VPS35L: variants seen among roughly 807,000 people sequenced by gnomAD.
VPS35L encodes VPS35 endosomal protein-sorting factor-like.
A neutral mutation model predicts 133.0 loss-of-function variants in VPS35L; 83 were observed. That is an observed-to-expected ratio of 0.62 (90% CI 0.52 to 0.75). The LOEUF (loss-of-function observed/expected upper bound fraction) is 0.75, where lower values mean the gene tolerates loss of function less well. Among genes scored for constraint, VPS35L ranks in the 30% least tolerant of loss-of-function variants. The pLI is 0.00. For missense variants in VPS35L, 1,083 were observed against 1,206.8 expected, an observed-to-expected ratio of 0.90 and a Z score of 1.52; for synonymous variants, 423 against 449.9, an observed-to-expected ratio of 0.94 and a Z score of 0.76.
Position 19,699,015 on chromosome 16 carries a change from C to A in VPS35L, c.2647-487C>A, listed in dbSNP as rs892228174. 1.3e-5 allele frequency among the ~76,000 whole-genome samples: 2 copies of A among 152,170 alleles called. No individual in the cohort carries two copies. Among genetic ancestry groups the A allele is most frequent in the African/African-American group, 4.8e-5 (2 of 41,428 alleles). ...TCAGCGTGTAAAGGCTGGATATGGG[C>A]ACCAAGGATTGGGGAGCTCAGTTCG... On this transcript the variant is annotated intron_variant, in intron 29 of 30. Transcript: ENST00000417362. The surrounding 1 kb of genome is among the most constrained non-coding windows in gnomAD (Gnocchi z 4.2).
intron 9 of VPS35L, among the ~76,000 whole-genome samples, chr16:19,606,243 T>C (rs1042656929): frequency 1.3e-5 from 2 of 152,218 alleles, no homozygotes; most frequent in Admixed American, 6.5e-5. Flanking sequence ...ATTTTGTAGA[T>C]GACCTCAGAG....
In VPS35L at chr16:19,610,419, G is replaced by A. The variant is rs1337907506; in HGVS notation, c.1023+4G>A. Reference sequence around the variant, plus strand: ...TGCCCGTGCCTACCTGTGCCGGGTAGGCCATGCGAGTCACTGCCCTTGACG... The same window carrying A: ...TGCCCGTGCCTACCTGTGCCGGGTAAGCCATGCGAGTCACTGCCCTTGACG... On this transcript the variant is annotated splice_donor_region_variant and intron_variant, in intron 12 of 30. Transcript: ENST00000417362. 1.2e-6 allele frequency: 2 copies of A among 1,612,526 alleles called. No homozygotes were observed. The highest frequency in any genetic ancestry group is 1.7e-6 in the Non-Finnish European group (2 of 1,179,028).
rs1334781509 is a variant in VPS35L at position 19,700,496 on chromosome 16, G to A, written c.*20G>A. ...ACCTGACCCCCGGGCCCATCCCCAGGCTCAGGGACTCTGGTGCCAAATCCA... is the reference window on the plus strand; with the variant it reads ...ACCTGACCCCCGGGCCCATCCCCAGACTCAGGGACTCTGGTGCCAAATCCA... On this transcript the variant is annotated 3_prime_UTR_variant, in exon 31 of 31. Transcript: ENST00000417362. 2 of 1,598,642 alleles carry A rather than the reference G, an allele frequency of 1.3e-6. No homozygotes were observed. Among genetic ancestry groups the A allele is most frequent in the Non-Finnish European group, 1.7e-6 (2 of 1,166,118 alleles).
rs767429705 is a variant in VPS35L at position 19,569,609 on chromosome 16, T to C, written c.285+18T>C. The C allele has an allele frequency of 2.0e-6, 3 of 1,518,284 alleles. No homozygotes were observed. The highest frequency in any genetic ancestry group is 2.6e-6 in the Non-Finnish European group (3 of 1,134,560). 94.1% of individuals were successfully genotyped at this position (1,518,284 alleles called of 1,614,324 possible). A position where few individuals can be genotyped will look rare whatever the true frequency, so the allele number is the denominator to read the frequency against. On this transcript the variant is annotated intron_variant, in intron 3 of 30. Coordinates refer to ENST00000417362, the MANE Select transcript of VPS35L (RefSeq NM_020314.7). Reference sequence around the variant, plus strand: ...CTGCCATGGTAATGCACCCCAGCCATGGTCGTCCAGTGGGGGTTGGTTTTG... The same window carrying C: ...CTGCCATGGTAATGCACCCCAGCCACGGTCGTCCAGTGGGGGTTGGTTTTG...
intron 7 of VPS35L, among the ~76,000 whole-genome samples, chr16:19,585,909 T>C (rs931157035): frequency 2.6e-5 from 4 of 152,156 alleles, no homozygotes; most frequent in African/African-American, 9.7e-5. Context: ...AATTTTTTTT[T>C]CCTTGGGAGA....
At chr16:19,698,724 T>C (rs1976005816) in intron 29 of VPS35L, among the ~76,000 whole-genome samples, 1 of 152,206 alleles carries the variant, frequency 6.6e-6, no homozygotes, top group Non-Finnish European at 1.5e-5. Context: ...GTTGTGCAGA[T>C]GTGGGATCTG....
chr16:19,636,560 ATGAAGT>A (rs566899131), intron 19 of VPS35L, among the ~76,000 whole-genome samples: 1 of 152,336 alleles, frequency 6.6e-6, no homozygotes, highest in East Asian at 1.9e-4. Flanking sequence ...ATTGTTTATG[ATGAAGT>A]TTTGAAGTCC....
At chr16:19,645,155 G>T (rs1416678775) in intron 23 of VPS35L, among the ~76,000 whole-genome samples, 1 of 152,110 alleles carries the variant, frequency 6.6e-6, no homozygotes, top group Non-Finnish European at 1.5e-5. Flanking sequence ...GAAAAAGGTG[G>T]GGGGCGGGAG....
At chr16:19,559,661 G>T (rs1970965667) in intron 1 of VPS35L, among the ~76,000 whole-genome samples, 1 of 152,110 alleles carries the variant, frequency 6.6e-6, no homozygotes, top group Non-Finnish European at 1.5e-5. Context: ...ATGGTTTACT[G>T]TGGGCTTTCA....
intron 5 of VPS35L, chr16:19,578,321 C>T (rs1212242848): frequency 9.0e-6 from 4 of 444,664 alleles, no homozygotes; most frequent in South Asian, 6.3e-5. Context: ...TTACAGTGAG[C>T]CGAGATCGCG....
Position 19,575,122 on chromosome 16 carries a change from G to A in VPS35L, c.433G>A (p.Gly145Ser). The change falls in exon 5 of 31, where the codon GGC (glycine) becomes AGC (serine). Residue 145 changes from glycine (G) to serine (S), a missense_variant and splice_region_variant. Transcript: ENST00000417362. ...GAATCTGTTTATGGGATCTGAAAAA[G>A]GTAAGATGAGTTTGTTGTTGTTTTG... ...SINLFMGSEK[G>S]KAGTATLAMS... 6.2e-7 allele frequency: 1 copy of A among 1,606,960 alleles called. No individual in the cohort carries two copies. Among genetic ancestry groups the A allele is most frequent in the Non-Finnish European group, 8.5e-7 (1 of 1,175,698 alleles).
chr16:19,598,551 GTGCAGAAGGAT>G (rs1298013459), intron 8 of VPS35L, among the ~76,000 whole-genome samples: 2 of 152,144 alleles, frequency 1.3e-5, no homozygotes, highest in African/African-American at 4.8e-5. Context: ...TGGGAAGCCA[GTGCAGAAGGAT>G]TGCTTGAGCC....
chr16:19,617,589 A>T (rs1972937286), intron 14 of VPS35L: 1 of 151,960 alleles, frequency 6.6e-6, no homozygotes, highest in South Asian at 2.1e-4. Context: ...CTTTTTTGCC[A>T]GTTGAAGTAT....
Position 19,567,229 on chromosome 16 carries a change from G to T in VPS35L, c.118-2195G>T, listed in dbSNP as rs546708097. 2.6e-5 allele frequency among the ~76,000 whole-genome samples: 4 copies of T among 152,306 alleles called. No homozygotes were observed. In the East Asian group the frequency reaches 7.7e-4, roughly 29 times the overall value. On this transcript the variant is annotated intron_variant, in intron 2 of 30. Coordinates refer to ENST00000417362, the MANE Select transcript of VPS35L (RefSeq NM_020314.7). Reference sequence around the variant, plus strand: ...TTGATTTAACACCCATACCATAACAGAATAGCTGAGAAGAGCTGCTGCAGC... The same window carrying T: ...TTGATTTAACACCCATACCATAACATAATAGCTGAGAAGAGCTGCTGCAGC...
chr16:19,607,943 A>C (rs1597354347), intron 9 of VPS35L: 2 of 481,040 alleles, frequency 4.2e-6, no homozygotes, highest in Non-Finnish European at 7.4e-6. Context: ...GAGGGTTGCT[A>C]TATGGGATCA....
chr16:19,610,282 C>T (rs1268427135), intron 11 of VPS35L, 40 bp from the exon 12 acceptor site: 1 of 1,528,958 alleles, frequency 6.5e-7, no homozygotes, highest in Admixed American at 1.7e-5. Context: ...AGCGAGTTCT[C>T]ACGTCGAATA....
At chr16:19,595,255 G>T (rs1972174623) in intron 8 of VPS35L, among the ~76,000 whole-genome samples, 2 of 152,168 alleles carry the variant, frequency 1.3e-5, no homozygotes, top group Non-Finnish European at 1.5e-5. Flanking sequence ...CTGTAGGGCG[G>T]GGGTAGAGCC....
At chr16:19,634,739 T>G (rs1973572368) in intron 19 of VPS35L, among the ~76,000 whole-genome samples, 4 of 152,152 alleles carry the variant, frequency 2.6e-5, no homozygotes. Flanking sequence ...AAGAAGAGTT[T>G]TGCATGCATT....
chr16:19,687,840 C>T (rs538276013), intron 28 of VPS35L, among the ~76,000 whole-genome samples: 19 of 152,126 alleles, frequency 1.2e-4, no homozygotes, highest in South Asian at 4.2e-4. Context: ...TGGCCGGGCG[C>T]GGTGGCTCAT....
Sources: allele counts gnomAD v4.1 joint callset (sites outside exome capture counted in the v4.1 genomes callset), GRCh38; gene constraint gnomAD v4.1.1; non-coding constraint Gnocchi (gnomAD v3.1); transcripts MANE v1.5; gene names NCBI Gene and HGNC (gene_info 2026-07-23, HGNC 2026-07-21).